The following ZNF354B variants were observed in gnomAD, a reference collection of about 807,000 sequenced individuals.
ZNF354B encodes the protein zinc finger protein 354B.
A neutral mutation model predicts 12.9 loss-of-function variants in ZNF354B; 10 were observed. The ratio of observed to expected loss-of-function variants is 0.77; its 90% CI spans 0.48 to 1.31. The LOEUF (loss-of-function observed/expected upper bound fraction) is 1.31. Ranked by LOEUF, ZNF354B falls within the 40% of genes most tolerant of loss-of-function variation. ZNF354B has a pLI of 0.00. For synonymous variants in ZNF354B, 260 were observed against 243.7 expected, an observed-to-expected ratio of 1.07 and a Z score of -0.62; for missense variants, 614 against 711.7, an observed-to-expected ratio of 0.86 and a Z score of 1.56.
At chr5:178,867,748 A>T (rs1258577786) in intron 4 of ZNF354B, among the ~76,000 whole-genome samples, 3 of 152,206 alleles carry the variant, frequency 2.0e-5, no homozygotes, top group African/African-American at 7.2e-5. Context: ...TAATGTGCAC[A>T]TAAGCAGAGA....
At chr5:178,865,663 T>G (rs770948324) in intron 2 of ZNF354B, among the ~76,000 whole-genome samples, 35 of 152,218 alleles carry the variant, frequency 2.3e-4, no homozygotes, top group Non-Finnish European at 4.3e-4. Context: ...TTGTGAAGGT[T>G]AGATACAGTA....
rs1162499715 is a variant in ZNF354B, at chr5:178,884,289, T to G, written c.1837T>G (p.Ter613GlyextTer3). The stretch of plus-strand genomic sequence containing the variant: ...CTCCTTAAAAGCCGATTTGCATGTG[T>G]GAAAGCCTTAAACCAAAACTCATCA... Reference protein sequence around the residue: ...EDSLKADLHV* With the variant: ...EDSLKADLHVG Residue 613 changes from the stop codon to glycine (G), a stop_lost, in exon 5 of 5, where the codon TGA becomes GGA. Coordinates refer to ENST00000322434, the MANE Select transcript of ZNF354B (RefSeq NM_058230.3). The G allele has an allele frequency of 1.3e-6, 2 of 1,575,162 alleles. No individual in the cohort carries two copies.
intron 4 of ZNF354B, among the ~76,000 whole-genome samples, chr5:178,882,320 A>T (rs959131795): frequency 6.6e-6 from 1 of 152,244 alleles, no homozygotes; most frequent in African/African-American, 2.4e-5. Flanking sequence ...AGTCTGAAGG[A>T]TACAAAGGAG....
chr5:178,866,277 T>C lies in ZNF354B; in HGVS notation c.67T>C (p.Phe23Leu). 1 of 1,614,162 alleles carries C rather than the reference T, an allele frequency of 6.2e-7. No homozygotes were observed. The highest frequency in any genetic ancestry group is 8.5e-7 in the Non-Finnish European group (1 of 1,180,014). ...GACATTCGAGGACGTGGCTGTGCTC[T>C]TTACCTGGGATGAGTGGAGAAAGCT... ...SLTFEDVAVL[F>L]TWDEWRKLAP... Residue 23 changes from phenylalanine (F) to leucine (L), a missense_variant, in exon 3 of 5, where the codon TTT (phenylalanine) becomes CTT (leucine). By Grantham distance (22) the Phe-to-Leu change is conservative. Coordinates refer to ENST00000322434, the MANE Select transcript of ZNF354B (RefSeq NM_058230.3).
chr5:178,870,773 T>C (rs1757550575), intron 4 of ZNF354B, among the ~76,000 whole-genome samples: 1 of 152,186 alleles, frequency 6.6e-6, no homozygotes, highest in Non-Finnish European at 1.5e-5. Flanking sequence ...TTTTAAAAAG[T>C]GACTGCTTAC....
chr5:178,866,152 A>G (rs1318745972), intron 2 of ZNF354B, 92 bp from the exon 3 acceptor site: 9 of 1,539,998 alleles, frequency 5.8e-6, no homozygotes, highest in Non-Finnish European at 7.9e-6. Flanking sequence ...ATAGTATGAG[A>G]AGTGTTTCAC....
At position 178,883,098 on chromosome 5, in the gene ZNF354B, T is replaced by C; in HGVS notation, c.646T>C (p.Cys216Arg). The change falls in exon 5 of 5, where the codon TGC (cysteine) becomes CGC (arginine). Residue 216 changes from cysteine (C) to arginine (R), a missense_variant. Physicochemically the swap from Cys to Arg is radical, Grantham distance 180 (BLOSUM62 -3). Transcript: ENST00000322434. Reference protein sequence around the residue: ...KIKTAEKRYKCSTCEKAFIHN... With the variant: ...KIKTAEKRYKRSTCEKAFIHN... ...CAAAACAGCAGAGAAACGCTATAAATGCAGTACATGTGAAAAAGCCTTCAT... is the reference window on the plus strand; with the variant it reads ...CAAAACAGCAGAGAAACGCTATAAACGCAGTACATGTGAAAAAGCCTTCAT... 6.2e-7 allele frequency: 1 copy of C among 1,610,424 alleles called. No homozygotes were observed. The highest frequency in any genetic ancestry group is 8.5e-7 in the Non-Finnish European group (1 of 1,179,226).
At chr5:178,866,061 C>T (rs1031844975) in intron 2 of ZNF354B, among the ~76,000 whole-genome samples, 183 bp from the exon 3 acceptor site, 1 of 152,252 alleles carries the variant, frequency 6.6e-6, no homozygotes. Flanking sequence ...AGGCCTGAAT[C>T]TCACTGTGTG....
chr5:178,883,450 A>C lies in ZNF354B; in HGVS notation c.998A>C (p.Lys333Thr). ...ENPHKYNPGR[K>T]ASSYSTSLSG... is the part of the protein sequence containing the mutation. ...CCCCATAAATACAATCCAGGCAGGAAGGCATCCAGTTACAGCACTTCCCTT... is the reference window on the plus strand; with the variant it reads ...CCCCATAAATACAATCCAGGCAGGACGGCATCCAGTTACAGCACTTCCCTT... The change falls in exon 5 of 5, where the codon AAG becomes ACG. Residue 333 changes from lysine (K) to threonine (T), a missense_variant. By Grantham distance (78) the Lys-to-Thr change is moderately conservative. Coordinates refer to ENST00000322434, the MANE Select transcript of ZNF354B (RefSeq NM_058230.3). 6.2e-7 allele frequency: 1 copy of C among 1,614,102 alleles called. No homozygotes were observed. The highest frequency in any genetic ancestry group is 8.5e-7 in the Non-Finnish European group (1 of 1,179,968).
intron 3 of ZNF354B, 48 bp from the exon 4 acceptor site, chr5:178,866,928 G>T: frequency 6.3e-7 from 1 of 1,578,898 alleles, no homozygotes; most frequent in Non-Finnish European, 8.7e-7. Flanking sequence ...ACTTTGTTGT[G>T]TCAAAACGAA....
In ZNF354B at chr5:178,867,435, G is replaced by A. The variant is rs374545654; in HGVS notation, c.256+364G>A. Reference sequence around the variant, plus strand: ...TAGCCTAGAAAGCTAGGGAAGGGCCGCGTAGTAAGTGCTTGGGCACAGTTG... The same window carrying A: ...TAGCCTAGAAAGCTAGGGAAGGGCCACGTAGTAAGTGCTTGGGCACAGTTG... On this transcript the variant is annotated intron_variant, in intron 4 of 4. Coordinates refer to ENST00000322434, the MANE Select transcript of ZNF354B (RefSeq NM_058230.3). 9.8e-5 allele frequency among the ~76,000 whole-genome samples: 15 copies of A among 152,318 alleles called. No homozygotes were observed. The East Asian group carries it at 2.3e-3, about 24-fold the overall frequency.
In ZNF354B at chr5:178,866,949, T is replaced by G. The variant is rs372066213; in HGVS notation, c.161-27T>G. 1.4e-5 allele frequency: 22 copies of G among 1,585,380 alleles called. No individual in the cohort carries two copies. The African/African-American group carries it at 2.4e-4, about 18-fold the overall frequency. Reference sequence around the variant, plus strand: ...TTGTGTCAAAACGAAGACTGAGACTTTTGTTGTTGTTGTTGTTTATGTGCA... The same window carrying G: ...TTGTGTCAAAACGAAGACTGAGACTGTTGTTGTTGTTGTTGTTTATGTGCA... On this transcript the variant is annotated intron_variant, in intron 3 of 4. Coordinates refer to ENST00000322434, the MANE Select transcript of ZNF354B (RefSeq NM_058230.3).
intron 4 of ZNF354B, among the ~76,000 whole-genome samples, chr5:178,880,074 T>C (rs983715484): frequency 3.3e-5 from 5 of 152,094 alleles, no homozygotes; most frequent in African/African-American, 1.2e-4. Flanking sequence ...TGCAGTGAGC[T>C]GAGATCACGT....
At chr5:178,874,323 C>T (rs1303245425) in intron 4 of ZNF354B, among the ~76,000 whole-genome samples, 1 of 152,214 alleles carries the variant, frequency 6.6e-6, no homozygotes, top group Non-Finnish European at 1.5e-5. Flanking sequence ...CAATAGTATC[C>T]TGAAATGTGC....
chr5:178,873,479 G>A (rs1291763713), intron 4 of ZNF354B, among the ~76,000 whole-genome samples: 1 of 152,120 alleles, frequency 6.6e-6, no homozygotes, highest in South Asian at 2.1e-4. Context: ...TAGATGCGAG[G>A]TTCATTTTTT....
At chr5:178,861,347 C>T (rs533007967) in intron 2 of ZNF354B, among the ~76,000 whole-genome samples, 2 of 151,878 alleles carry the variant, frequency 1.3e-5, no homozygotes, top group South Asian at 2.1e-4. Flanking sequence ...CTGTCTGTCA[C>T]TAAGAGCAAA....
chr5:178,864,045 C>A (rs1340373839), intron 2 of ZNF354B, among the ~76,000 whole-genome samples: 2 of 152,104 alleles, frequency 1.3e-5, no homozygotes, highest in African/African-American at 4.8e-5. Context: ...AAGCTAAGGA[C>A]AATTTGTTAA....
chr5:178,878,227 C>CA (rs369558407), intron 4 of ZNF354B, among the ~76,000 whole-genome samples: 8,111 of 151,976 alleles, frequency 0.053, 377 homozygotes, highest in East Asian at 0.24. Context: ...ACTAAAAATA[C>CA]AAAAAATTAG....
At chr5:178,876,676 C>G (rs1256884263) in intron 4 of ZNF354B, among the ~76,000 whole-genome samples, 1 of 152,130 alleles carries the variant, frequency 6.6e-6, no homozygotes, top group Non-Finnish European at 1.5e-5. Flanking sequence ...TTTTGAATTT[C>G]CCTAGTGAAA....
Sources: allele counts gnomAD v4.1 joint callset (sites outside exome capture counted in the v4.1 genomes callset), GRCh38; gene constraint gnomAD v4.1.1; transcripts MANE v1.5; gene names NCBI Gene and HGNC (gene_info 2026-07-23, HGNC 2026-07-21).